Variants in CNTNAP2 observed in about 807,000 individuals in gnomAD.
The protein encoded by CNTNAP2 is contactin associated protein 2, also known as contactin-associated protein-like 2.
CNTNAP2 carries 98 observed loss-of-function variants against 155.2 expected under a neutral mutation model. The ratio of observed to expected loss-of-function variants is 0.63; its 90% CI spans 0.54 to 0.75. The LOEUF (loss-of-function observed/expected upper bound fraction) is 0.75. Among genes scored for constraint, CNTNAP2 ranks in the 30% least tolerant of loss-of-function variants. CNTNAP2 has a pLI of 0.00. For missense variants in CNTNAP2, 1,727 were observed against 1,688.1 expected (o/e 1.02, Z -0.40); for synonymous variants, 651 against 631.2 (o/e 1.03, Z -0.47).
chr7:146,537,650 T>C (rs1220799371), intron 1 of CNTNAP2, among the ~76,000 whole-genome samples: 1 of 152,044 alleles, frequency 6.6e-6, no homozygotes, highest in Non-Finnish European at 1.5e-5. Context: ...ACTGAGTAGA[T>C]GGTATTTAAA....
At chr7:146,665,573 G>C (rs1800176023) in intron 1 of CNTNAP2, among the ~76,000 whole-genome samples, 1 of 151,414 alleles carries the variant, frequency 6.6e-6, no homozygotes, top group Non-Finnish European at 1.5e-5. Context: ...CCTGAGGTCT[G>C]GAGTTCAGGA....
chr7:148,363,201 T>C (rs1403743296), intron 21 of CNTNAP2, among the ~76,000 whole-genome samples: 1 of 152,220 alleles, frequency 6.6e-6, no homozygotes, highest in Non-Finnish European at 1.5e-5. Context: ...CTGGCTGGTC[T>C]CAAACTCCCA....
chr7:146,947,849 C>G (rs1410607845), intron 3 of CNTNAP2, among the ~76,000 whole-genome samples: 1 of 151,686 alleles, frequency 6.6e-6, no homozygotes, highest in Non-Finnish European at 1.5e-5. Context: ...GAGGCTACAG[C>G]GAGCTATAAT....
At chr7:146,464,409 A>G (rs1796686823) in intron 1 of CNTNAP2, among the ~76,000 whole-genome samples, 1 of 152,110 alleles carries the variant, frequency 6.6e-6, no homozygotes, top group Admixed American at 6.6e-5. Flanking sequence ...ATTGTCCTAA[A>G]ATGAATTATT....
At chr7:148,310,995 T>A (rs1212524241) in intron 21 of CNTNAP2, among the ~76,000 whole-genome samples, 1 of 152,000 alleles carries the variant, frequency 6.6e-6, no homozygotes, top group Non-Finnish European at 1.5e-5. Context: ...ATCGAGAAGG[T>A]GAAAGATTAC....
intron 3 of CNTNAP2, among the ~76,000 whole-genome samples, chr7:146,863,064 G>A (rs1795135938): frequency 6.6e-6 from 1 of 152,138 alleles, no homozygotes; most frequent in African/African-American, 2.4e-5. Context: ...CCTGTCTAAT[G>A]TGGGTTTTGA....
intron 3 of CNTNAP2, among the ~76,000 whole-genome samples, chr7:147,032,660 G>A (rs1799057831): frequency 6.6e-6 from 1 of 151,080 alleles, no homozygotes; most frequent in Non-Finnish European, 1.5e-5. Flanking sequence ...AAGAAAGGAG[G>A]GGAGGAAGGA....
chr7:146,611,089 C>T (rs534015499), intron 1 of CNTNAP2, among the ~76,000 whole-genome samples: 7 of 152,194 alleles, frequency 4.6e-5, no homozygotes, highest in South Asian at 4.2e-4. Flanking sequence ...TAAGCAAAGC[C>T]GTTTATGTAT....
intron 21 of CNTNAP2, among the ~76,000 whole-genome samples, chr7:148,310,046 A>G: frequency 6.6e-6 from 1 of 152,154 alleles, no homozygotes; most frequent in East Asian, 1.9e-4. Flanking sequence ...TAGAAGAAAC[A>G]TTTGTAGTGT....
intron 3 of CNTNAP2, among the ~76,000 whole-genome samples, chr7:147,002,396 G>A (rs1667601001): frequency 6.6e-6 from 1 of 152,026 alleles, no homozygotes; most frequent in Admixed American, 6.6e-5. Flanking sequence ...CAGCGATACT[G>A]GAAGCTAGAA....
intron 1 of CNTNAP2, among the ~76,000 whole-genome samples, chr7:146,567,068 G>C (rs942192990): frequency 2.0e-5 from 3 of 152,146 alleles, no homozygotes; most frequent in Non-Finnish European, 2.9e-5. Context: ...TAATCATACT[G>C]TATAGTTGTG....
intron 14 of CNTNAP2, among the ~76,000 whole-genome samples, chr7:147,961,202 A>T (rs992268255): frequency 6.6e-6 from 1 of 151,978 alleles, no homozygotes; most frequent in African/African-American, 2.4e-5. Flanking sequence ...CCTCAACATT[A>T]TATCTCTTTT....
chr7:146,743,459 C>A (rs1801754014), intron 1 of CNTNAP2, among the ~76,000 whole-genome samples: 1 of 152,066 alleles, frequency 6.6e-6, no homozygotes, highest in Non-Finnish European at 1.5e-5. Context: ...GTGATTCGAC[C>A]AAATTATGGA....
chr7:147,104,330 A>G (rs1477790917), intron 4 of CNTNAP2, among the ~76,000 whole-genome samples: 1 of 152,048 alleles, frequency 6.6e-6, no homozygotes, highest in Non-Finnish European at 1.5e-5. Flanking sequence ...GTTTTAGAAA[A>G]CAAAATTATG....
At chr7:146,133,521 T>G (rs1797749644) in intron 1 of CNTNAP2, among the ~76,000 whole-genome samples, 1 of 152,172 alleles carries the variant, frequency 6.6e-6, no homozygotes, top group African/African-American at 2.4e-5. Context: ...TGCCTAGGTT[T>G]TCTTCTAGGG....
In CNTNAP2 at chr7:146,116,819, G is replaced by A. The variant is rs1797489182; in HGVS notation, c.-58G>A. 7.3e-7 allele frequency: 1 copy of A among 1,372,018 alleles called. No homozygotes were observed. The highest frequency in any genetic ancestry group is 2.0e-5 in the Admixed American group (1 of 49,690). 85.0% of individuals were successfully genotyped at this position (1,372,018 alleles called of 1,614,324 possible). A position where few individuals can be genotyped will look rare whatever the true frequency, so the allele number is the denominator to read the frequency against. On this transcript the variant is annotated 5_prime_UTR_variant, in exon 1 of 24. Coordinates refer to ENST00000361727, the MANE Select transcript of CNTNAP2 (RefSeq NM_014141.6). This position sits in a 1 kb window ranked among gnomAD's most constrained non-coding sequence, Gnocchi z 5.5. ...CATCTCCCTTCAAGAACCCTACGGA[G>A]AGTCGGACTGCATCTCCGCAGCGAG... is the stretch of plus-strand genomic sequence containing the variant.
chr7:147,715,053 T>C (rs1221777783), intron 13 of CNTNAP2, among the ~76,000 whole-genome samples: 1 of 152,116 alleles, frequency 6.6e-6, no homozygotes, highest in African/African-American at 2.4e-5. Context: ...GATATGCATA[T>C]ACCACAGTTT....
intron 23 of CNTNAP2, among the ~76,000 whole-genome samples, chr7:148,411,849 A>ATG (rs752856191): frequency 7.7e-6 from 1 of 130,114 alleles, no homozygotes; most frequent in Non-Finnish European, 1.7e-5. Context: ...AGCAACTGAC[A>ATG]TATGTGTGTG....
intron 1 of CNTNAP2, among the ~76,000 whole-genome samples, chr7:146,655,990 G>T (rs1799990616): frequency 6.6e-6 from 1 of 152,204 alleles, no homozygotes; most frequent in South Asian, 2.1e-4. Flanking sequence ...GCATAGCAAG[G>T]TCATGCTTTT....
Sources: gnomAD v4.1 joint callset for allele counts (sites outside exome capture counted in the v4.1 genomes callset) on GRCh38, gnomAD v4.1.1 for gene constraint, Gnocchi (gnomAD v3.1) non-coding constraint, MANE v1.5 for transcripts, NCBI Gene and HGNC (gene_info 2026-07-23, HGNC 2026-07-21) for gene names.